CCDC91: variants seen among roughly 807,000 people sequenced by gnomAD.
CCDC91 encodes the protein coiled-coil domain-containing protein 91.
In CCDC91, 48 loss-of-function variants were observed where a neutral mutation model predicts 63.2. The ratio of observed to expected loss-of-function variants is 0.76; its 90% CI spans 0.60 to 0.97. The LOEUF is 0.97. Ranked by LOEUF, CCDC91 falls within the 50% of genes least tolerant of loss-of-function variation. The pLI is 0.00. For missense variants in CCDC91, 500 were observed against 494.6 expected, an observed-to-expected ratio of 1.01 and a Z score of -0.10; for synonymous variants, 167 against 165.8, an observed-to-expected ratio of 1.01 and a Z score of -0.06.
chr12:28,254,418 T>C (rs1946308768), intron 1 of CCDC91, among the ~76,000 whole-genome samples: 1 of 152,220 alleles, frequency 6.6e-6, no homozygotes, highest in South Asian at 2.1e-4. Context: ...TGTTAAATGC[T>C]AGAATATTCT....
intron 1 of CCDC91, among the ~76,000 whole-genome samples, chr12:28,202,533 G>T (rs142337477): frequency 6.6e-6 from 1 of 152,326 alleles, no homozygotes; most frequent in Non-Finnish European, 1.5e-5. Context: ...GTACTGGACA[G>T]CGAATGATTG....
intron 12 of CCDC91, among the ~76,000 whole-genome samples, chr12:28,525,591 C>T (rs540085297): frequency 7.9e-5 from 12 of 152,042 alleles, no homozygotes; most frequent in Admixed American, 2.0e-4. Flanking sequence ...TTGGGTAGAA[C>T]GTTCTGTAAA....
intron 8 of CCDC91, among the ~76,000 whole-genome samples, chr12:28,418,017 C>G (rs1339958792): frequency 2.0e-5 from 3 of 152,064 alleles, no homozygotes; most frequent in African/African-American, 7.2e-5. Flanking sequence ...AATAAATCTG[C>G]AATAAAACAT....
Position 28,201,463 on chromosome 12 carries a change from A to T in CCDC91, c.-15+10822A>T, listed in dbSNP as rs879144759. Among the ~76,000 whole-genome samples, 14 of 133,760 alleles carry T rather than the reference A, an allele frequency of 1.0e-4. 2 individuals carry two copies. The highest frequency in any genetic ancestry group is 4.7e-4 in the South Asian group (2 of 4,258). 87.8% of individuals were successfully genotyped at this position (133,760 alleles called of 152,430 possible). A position where few individuals can be genotyped will look rare whatever the true frequency, so the allele number is the denominator to read the frequency against. On this transcript the variant is annotated intron_variant, in intron 1 of 12. Transcript: ENST00000536442. Reference sequence around the variant, plus strand: ...GGCAGAGACGCTCCTCACTTCCTAGATGGGATGGCGACTGGGAAGAGGCGC... The same window carrying T: ...GGCAGAGACGCTCCTCACTTCCTAGTTGGGATGGCGACTGGGAAGAGGCGC...
chr12:28,482,223 T>C (rs1592804321), intron 11 of CCDC91, among the ~76,000 whole-genome samples: 2 of 151,940 alleles, frequency 1.3e-5, no homozygotes, highest in East Asian at 3.9e-4. Flanking sequence ...TAACTTCAAA[T>C]TCTAAATTTG....
At chr12:28,471,912 G>A (rs1413621439) in intron 11 of CCDC91, among the ~76,000 whole-genome samples, 6 of 151,988 alleles carry the variant, frequency 3.9e-5, no homozygotes, top group Non-Finnish European at 8.8e-5. Flanking sequence ...CATCATGCCC[G>A]GCTAATTTTT....
intron 7 of CCDC91, among the ~76,000 whole-genome samples, chr12:28,363,100 T>A (rs1055829235): frequency 2.0e-5 from 3 of 152,158 alleles, no homozygotes; most frequent in Non-Finnish European, 2.9e-5. Context: ...TCATTTTTCT[T>A]TTACAAGTAA....
chr12:28,393,091 T>C (rs1288828197), intron 8 of CCDC91, among the ~76,000 whole-genome samples: 1 of 152,178 alleles, frequency 6.6e-6, no homozygotes, highest in African/African-American at 2.4e-5. Context: ...TTTTCAGAGT[T>C]TTTTTTGACA....
At chr12:28,282,274 T>G (rs1948657231) in intron 3 of CCDC91, among the ~76,000 whole-genome samples, 1 of 152,162 alleles carries the variant, frequency 6.6e-6, no homozygotes, top group Non-Finnish European at 1.5e-5. Context: ...TGGGGGATAA[T>G]GATGCTATTT....
At chr12:28,441,200 CT>C (rs1395679985) in intron 8 of CCDC91, among the ~76,000 whole-genome samples, 1 of 151,266 alleles carries the variant, frequency 6.6e-6, no homozygotes, top group East Asian at 1.9e-4. Context: ...GAGAGAGAGA[CT>C]TTTGTACATC....
chr12:28,349,321 CA>C (rs1288891934), intron 6 of CCDC91, among the ~76,000 whole-genome samples: 1 of 152,050 alleles, frequency 6.6e-6, no homozygotes. Flanking sequence ...GAATAGGGCG[CA>C]AAAGGTTGTT....
At chr12:28,269,673 T>C (rs1363261894) in intron 3 of CCDC91, among the ~76,000 whole-genome samples, 3 of 152,282 alleles carry the variant, frequency 2.0e-5, no homozygotes, top group East Asian at 3.9e-4. Flanking sequence ...ATGTGTAGGA[T>C]TTATGTTTTC....
intron 12 of CCDC91, among the ~76,000 whole-genome samples, chr12:28,523,389 A>T (rs1940930505): frequency 1.3e-5 from 2 of 152,174 alleles, no homozygotes; most frequent in Admixed American, 6.5e-5. Flanking sequence ...AGAGACTAGG[A>T]TTGCAACCCC....
intron 1 of CCDC91, among the ~76,000 whole-genome samples, chr12:28,205,408 T>C (rs1310553722): frequency 6.6e-6 from 1 of 152,116 alleles, no homozygotes; most frequent in Non-Finnish European, 1.5e-5. Context: ...AAAAATGTGC[T>C]GAGTATACCA....
chr12:28,363,574 A>G (rs1048901986), intron 7 of CCDC91, among the ~76,000 whole-genome samples: 2 of 152,210 alleles, frequency 1.3e-5, no homozygotes, highest in Non-Finnish European at 2.9e-5. Flanking sequence ...TTGATAATTT[A>G]GTGTCAGAAG....
intron 3 of CCDC91, among the ~76,000 whole-genome samples, chr12:28,282,809 G>A (rs1212422524): frequency 2.0e-5 from 3 of 151,858 alleles, no homozygotes; most frequent in Non-Finnish European, 4.4e-5. Context: ...ATTTTTCTTA[G>A]GTTTTCTCCT....
intron 12 of CCDC91, among the ~76,000 whole-genome samples, chr12:28,485,633 A>AT (rs1951685848): frequency 6.6e-6 from 1 of 152,154 alleles, no homozygotes; most frequent in African/African-American, 2.4e-5. Flanking sequence ...TTTATATTGG[A>AT]TTAAATCTTT....
At chr12:28,265,173 G>A (rs1340018104) in intron 3 of CCDC91, among the ~76,000 whole-genome samples, 5 of 152,008 alleles carry the variant, frequency 3.3e-5, no homozygotes, top group Non-Finnish European at 7.4e-5. Flanking sequence ...TCTAGAAGGC[G>A]AAGTGGGAGG....
chr12:28,254,771 G>C (rs1946333408), intron 1 of CCDC91, among the ~76,000 whole-genome samples: 1 of 124,238 alleles, frequency 8.0e-6, no homozygotes, highest in African/African-American at 2.8e-5. Context: ...AGTATCATCT[G>C]CTTTTTTTTT....
Sources: gnomAD v4.1 joint callset for allele counts (sites outside exome capture counted in the v4.1 genomes callset) on GRCh38, gnomAD v4.1.1 for gene constraint, MANE v1.5 for transcripts, NCBI Gene and HGNC (gene_info 2026-07-23, HGNC 2026-07-21) for gene names.